The following C10orf90 variants were observed in gnomAD, a reference collection of about 807,000 sequenced individuals.
C10orf90 encodes the protein (E2-independent) E3 ubiquitin-conjugating enzyme FATS.
Under a neutral mutation model 62.5 loss-of-function variants are expected in C10orf90, and 56 were observed. That is an observed-to-expected ratio of 0.90 (90% CI 0.72 to 1.12). The LOEUF is 1.12. Among genes scored for constraint, C10orf90 ranks in the 50% most tolerant of loss-of-function variants. C10orf90 has a pLI of 0.00. For synonymous variants in C10orf90, 386 were observed against 340.4 expected, an observed-to-expected ratio of 1.13 and a Z score of -1.47; for missense variants, 970 against 880.4, an observed-to-expected ratio of 1.10 and a Z score of -1.29.
chr10:126,463,688 A>G (rs1428022545), intron 5 of C10orf90, among the ~76,000 whole-genome samples: 1 of 152,120 alleles, frequency 6.6e-6, no homozygotes, highest in Admixed American at 6.5e-5. Context: ...CGTCAAATAT[A>G]CTTTCAAGTT....
chr10:126,436,867 T>C (rs1361898417), intron 7 of C10orf90, among the ~76,000 whole-genome samples: 2 of 152,164 alleles, frequency 1.3e-5, no homozygotes, highest in Non-Finnish European at 2.9e-5. Flanking sequence ...TCTCACTTTG[T>C]TGCCCAAGAT....
intron 4 of C10orf90, among the ~76,000 whole-genome samples, chr10:126,466,456 T>TACC (rs1280795302): frequency 6.6e-6 from 1 of 152,178 alleles, no homozygotes; most frequent in Non-Finnish European, 1.5e-5. Flanking sequence ...AGCTCATGAC[T>TACC]ACCAACCCCT....
chr10:126,468,274 G>A (rs1198325960), intron 4 of C10orf90, among the ~76,000 whole-genome samples: 2 of 152,098 alleles, frequency 1.3e-5, no homozygotes, highest in Non-Finnish European at 2.9e-5. Context: ...TTACCATGTT[G>A]GCCAGGATGG....
chr10:126,512,742 C>T (rs549365889), intron 3 of C10orf90, among the ~76,000 whole-genome samples: 3 of 152,156 alleles, frequency 2.0e-5, no homozygotes, highest in East Asian at 3.9e-4. Context: ...ACTCCTGCTC[C>T]GAGGGAACAA....
chr10:126,565,450 AC>A (rs1844363144), intron 2 of C10orf90, among the ~76,000 whole-genome samples: 1 of 83,518 alleles, frequency 1.2e-5, no homozygotes, highest in Non-Finnish European at 2.5e-5. Context: ...ACACACACAC[AC>A]ACACACACAA....
At chr10:126,440,464 T>A (rs1185537584) in intron 7 of C10orf90, among the ~76,000 whole-genome samples, 1 of 152,110 alleles carries the variant, frequency 6.6e-6, no homozygotes, top group African/African-American at 2.4e-5. Flanking sequence ...CACCCTGGTA[T>A]CGAACACAAA....
intron 7 of C10orf90, among the ~76,000 whole-genome samples, chr10:126,443,915 A>C (rs937579464): frequency 6.6e-6 from 1 of 152,164 alleles, no homozygotes; most frequent in African/African-American, 2.4e-5. Flanking sequence ...AGAATTAAAA[A>C]CAAATGTCAT....
At chr10:126,523,090 A>G (rs1465575118) in intron 2 of C10orf90, 3 of 152,252 alleles carry the variant, frequency 2.0e-5, no homozygotes, top group Non-Finnish European at 4.4e-5. Flanking sequence ...ATTATGGTTT[A>G]TAATAAAGAC....
intron 3 of C10orf90, among the ~76,000 whole-genome samples, chr10:126,508,986 A>G (rs896686240): frequency 6.6e-6 from 1 of 152,140 alleles, no homozygotes; most frequent in African/African-American, 2.4e-5. Flanking sequence ...CCACAGCCAG[A>G]GCCCAGGGCT....
At position 126,504,062 on chromosome 10, in the gene C10orf90, G is replaced by A; in HGVS notation, c.1429C>T (p.Gln477Ter). Reference protein sequence around the residue: ...NTELANVGANQVTVRKGEKDH... With the variant: ...NTELANVGAN Reference sequence around the variant, plus strand: ...TTTTCCCCTTTTCTTACAGTGACTTGGTTAGCTCCCACATTTGCCAATTCT... The same window carrying A: ...TTTTCCCCTTTTCTTACAGTGACTTAGTTAGCTCCCACATTTGCCAATTCT... The change falls in exon 4 of 10, where the codon CAA (glutamine) becomes TAA (stop). Residue 477 changes from glutamine to a stop codon, truncating the protein, a stop_gained. Coordinates refer to ENST00000488181, the MANE Select transcript of C10orf90 (RefSeq NM_001350921.2). LOFTEE classifies it high-confidence loss of function. This position sits in a 1 kb window ranked among gnomAD's most constrained non-coding sequence, Gnocchi z 4.1. 1 of 1,614,136 alleles carries A rather than the reference G, an allele frequency of 6.2e-7. No individual in the cohort carries two copies. Among genetic ancestry groups the A allele is most frequent in the Non-Finnish European group, 8.5e-7 (1 of 1,180,034 alleles).
At chr10:126,458,210 G>A (rs1027652055) in intron 7 of C10orf90, among the ~76,000 whole-genome samples, 9 of 152,116 alleles carry the variant, frequency 5.9e-5, no homozygotes, top group African/African-American at 2.2e-4. Flanking sequence ...ATTGAACATG[G>A]TTATTTCCCC....
At chr10:126,669,767 G>T (rs1591188735) in intron 1 of C10orf90, among the ~76,000 whole-genome samples, 1 of 150,074 alleles carries the variant, frequency 6.7e-6, no homozygotes, top group African/African-American at 2.5e-5. Context: ...AAAAATAAAA[G>T]ATCATTCTTA....
intron 2 of C10orf90, among the ~76,000 whole-genome samples, chr10:126,598,187 C>T (rs1430158169): frequency 6.6e-6 from 1 of 152,198 alleles, no homozygotes; most frequent in South Asian, 2.1e-4. Context: ...TTGCTCATTG[C>T]TGCCCACCAG....
chr10:126,548,661 G>A (rs927816992), intron 2 of C10orf90, among the ~76,000 whole-genome samples: 22 of 152,024 alleles, frequency 1.4e-4, no homozygotes, highest in African/African-American at 3.4e-4. Flanking sequence ...CACTGCGCCC[G>A]GCCGCAAGAT....
intron 2 of C10orf90, among the ~76,000 whole-genome samples, chr10:126,517,377 T>G (rs1280939342): frequency 1.3e-5 from 2 of 152,316 alleles, no homozygotes; most frequent in Non-Finnish European, 2.9e-5. Context: ...GCAGAGGGTG[T>G]GCAGGCCCTG....
At chr10:126,498,716 A>G (rs913264406) in intron 4 of C10orf90, among the ~76,000 whole-genome samples, 57 of 152,262 alleles carry the variant, frequency 3.7e-4, no homozygotes, top group African/African-American at 1.2e-3. Context: ...GACTGAAGAG[A>G]GCTGCCTCAC....
At chr10:126,442,112 T>C (rs1177855952) in intron 7 of C10orf90, among the ~76,000 whole-genome samples, 5 of 151,920 alleles carry the variant, frequency 3.3e-5, no homozygotes, top group African/African-American at 1.2e-4. Context: ...TATAGAACTA[T>C]AGAATGCATA....
chr10:126,646,732 T>C, intron 1 of C10orf90, 95 bp from the exon 2 acceptor site: 1 of 285,746 alleles, frequency 3.5e-6, no homozygotes, highest in Non-Finnish European at 6.9e-6. Context: ...ATCAGGAACA[T>C]CCTGGAATTT....
chr10:126,458,974 G>A, intron 7 of C10orf90, 66 bp downstream of exon 7: 1 of 1,517,718 alleles, frequency 6.6e-7, no homozygotes, highest in South Asian at 1.3e-5. Flanking sequence ...CCTGAGTGAA[G>A]CCTCCAGCTC....
Sources: gnomAD v4.1 joint callset for allele counts (sites outside exome capture counted in the v4.1 genomes callset) on GRCh38, gnomAD v4.1.1 for gene constraint, Gnocchi (gnomAD v3.1) non-coding constraint, MANE v1.5 for transcripts, NCBI Gene and HGNC (gene_info 2026-07-23, HGNC 2026-07-21) for gene names.